The following FHIT variants were observed in gnomAD, a reference collection of about 807,000 sequenced individuals.
FHIT encodes fragile histidine triad diadenosine triphosphatase.
In FHIT, 19 loss-of-function variants were observed where a neutral mutation model predicts 17.9. That is an observed-to-expected ratio of 1.06 (90% confidence interval 0.74 to 1.56). The LOEUF is 1.56. FHIT is among the 40% of genes most tolerant of loss of function. FHIT has a pLI of 0.00. For synonymous variants in FHIT, 81 were observed against 69.7 expected (o/e 1.16, Z -0.81); for missense variants, 248 against 189.2 (o/e 1.31, Z -1.82).
At chr3:59,809,119 G>A (rs1033655418) in intron 8 of FHIT, among the ~76,000 whole-genome samples, 4 of 152,254 alleles carry the variant, frequency 2.6e-5, no homozygotes, top group African/African-American at 9.6e-5. Context: ...ACACATACTG[G>A]GTTGAAGAGT....
At chr3:60,625,478 C>G (rs1324060403) in intron 4 of FHIT, among the ~76,000 whole-genome samples, 1 of 152,098 alleles carries the variant, frequency 6.6e-6, no homozygotes, top group Non-Finnish European at 1.5e-5. Context: ...TGGTATCTCA[C>G]TATGGTTTTG....
At chr3:59,891,484 T>C (rs555313123) in intron 8 of FHIT, among the ~76,000 whole-genome samples, 1 of 152,336 alleles carries the variant, frequency 6.6e-6, no homozygotes, top group African/African-American at 2.4e-5. Context: ...GTGCAGGGCA[T>C]GGCCGTTCTA....
At chr3:60,054,973 C>G (rs1040504876) in intron 5 of FHIT, among the ~76,000 whole-genome samples, 8 of 152,276 alleles carry the variant, frequency 5.3e-5, no homozygotes, top group South Asian at 2.1e-4. Flanking sequence ...CAAACTCCCA[C>G]TGATCTGTGT....
chr3:59,945,711 C>T (rs1376795006), intron 7 of FHIT, among the ~76,000 whole-genome samples: 7 of 151,956 alleles, frequency 4.6e-5, no homozygotes, highest in Admixed American at 2.6e-4. Context: ...TTTATTTTTG[C>T]ATACATTAAA....
intron 5 of FHIT, among the ~76,000 whole-genome samples, chr3:60,319,603 G>T (rs1195420725): frequency 6.6e-6 from 1 of 152,170 alleles, no homozygotes; most frequent in Non-Finnish European, 1.5e-5. Context: ...TGTGTTTACA[G>T]GAAGATACAG....
chr3:60,026,674 A>G (rs1331224601), intron 5 of FHIT, among the ~76,000 whole-genome samples: 2 of 152,224 alleles, frequency 1.3e-5, no homozygotes, highest in African/African-American at 2.4e-5. Context: ...TCAAAATGTG[A>G]AAACAAACAA....
At chr3:61,203,971 A>G (rs2039119723) in intron 1 of FHIT, among the ~76,000 whole-genome samples, 1 of 152,258 alleles carries the variant, frequency 6.6e-6, no homozygotes. Flanking sequence ...GCAATACGAT[A>G]AACACTTTTT....
chr3:59,838,925 G>C (rs1043655346), intron 8 of FHIT, among the ~76,000 whole-genome samples: 1 of 152,070 alleles, frequency 6.6e-6, no homozygotes, highest in African/African-American at 2.4e-5. Flanking sequence ...CCAGAGCTGC[G>C]CTACCTTGAT....
At chr3:60,867,037 C>A (rs1280710143) in intron 3 of FHIT, among the ~76,000 whole-genome samples, 2 of 152,106 alleles carry the variant, frequency 1.3e-5, no homozygotes, top group African/African-American at 4.8e-5. Context: ...GTATGCATGA[C>A]CCTCAGCAAC....
At chr3:61,205,481 CTGT>C in intron 1 of FHIT, among the ~76,000 whole-genome samples, 1 of 152,270 alleles carries the variant, frequency 6.6e-6, no homozygotes, top group Non-Finnish European at 1.5e-5. Flanking sequence ...TCTCCAGCAC[CTGT>C]TGTTTCCTGA....
intron 5 of FHIT, among the ~76,000 whole-genome samples, chr3:60,053,157 G>A (rs1701950818): frequency 6.6e-6 from 1 of 151,492 alleles, no homozygotes; most frequent in African/African-American, 2.4e-5. Context: ...TTCTTAGCGT[G>A]GTTGGTTTCT....
intron 4 of FHIT, among the ~76,000 whole-genome samples, chr3:60,774,388 C>T (rs1340088088): frequency 6.6e-6 from 1 of 152,172 alleles, no homozygotes; most frequent in African/African-American, 2.4e-5. Context: ...GCAACCTCTG[C>T]CTCTCGCGTT....
intron 5 of FHIT, among the ~76,000 whole-genome samples, chr3:60,386,013 T>G (rs934962300): frequency 1.3e-5 from 2 of 152,174 alleles, no homozygotes; most frequent in African/African-American, 4.8e-5. Flanking sequence ...AGCAGGTGCT[T>G]CTGAGTGCCA....
intron 4 of FHIT, chr3:60,732,189 C>A: frequency 1.2e-6 from 1 of 802,296 alleles, no homozygotes; most frequent in Non-Finnish European, 2.1e-6. Flanking sequence ...TCTTGCTGGC[C>A]TTATCATTCC....
Position 60,447,995 on chromosome 3 carries a change from C to T in FHIT, c.103+88865G>A, listed in dbSNP as rs141488928. Among the ~76,000 whole-genome samples the T allele has an allele frequency of 4.3e-4, 65 of 152,254 alleles. No homozygotes were observed. The East Asian group carries it at 0.011, about 26-fold the overall frequency. ...TCTCACCATGAAATGATTTTGAATG[C>T]TATTTCAGAATATTACCCTGTTAGA... On this transcript the variant is annotated intron_variant, in intron 5 of 9. Transcript: ENST00000492590.
chr3:60,430,701 A>T (rs542021858), intron 5 of FHIT, among the ~76,000 whole-genome samples: 5 of 152,058 alleles, frequency 3.3e-5, no homozygotes, highest in Non-Finnish European at 7.4e-5. Flanking sequence ...TCAAGTTTAG[A>T]TAACAGTCAC....
chr3:61,103,975 G>A (rs2035916282), intron 2 of FHIT, among the ~76,000 whole-genome samples: 1 of 151,210 alleles, frequency 6.6e-6, no homozygotes, highest in South Asian at 2.1e-4. Context: ...CACATGAGAT[G>A]GGTCTCCTGA....
At chr3:60,116,753 C>A (rs1236416667) in intron 5 of FHIT, among the ~76,000 whole-genome samples, 1 of 152,098 alleles carries the variant, frequency 6.6e-6, no homozygotes, top group Non-Finnish European at 1.5e-5. Flanking sequence ...AAGAGCAAGG[C>A]ACTGAGAAAT....
At chr3:59,986,136 G>A (rs1447425458) in intron 7 of FHIT, among the ~76,000 whole-genome samples, 2 of 151,932 alleles carry the variant, frequency 1.3e-5, no homozygotes, top group Non-Finnish European at 2.9e-5. Flanking sequence ...CACACTTTAT[G>A]GCTGCTCACC....
Sources: allele counts gnomAD v4.1 joint callset (sites outside exome capture counted in the v4.1 genomes callset), GRCh38; gene constraint gnomAD v4.1.1; transcripts MANE v1.5; gene names NCBI Gene and HGNC (gene_info 2026-07-23, HGNC 2026-07-21).